The following TPO variants were observed in gnomAD, a reference collection of about 807,000 sequenced individuals.
TPO encodes the protein thyroid peroxidase, also known as thyroid microsomal antigen.
TPO carries 78 observed loss-of-function variants against 96.9 expected under a neutral mutation model. The ratio of observed to expected loss-of-function variants is 0.81; its 90% CI spans 0.67 to 0.97. TPO has a LOEUF of 0.97. Ranked by LOEUF, TPO falls within the 50% of genes least tolerant of loss-of-function variation. The pLI is 0.00. For synonymous variants in TPO, 547 were observed against 538.0 expected (o/e 1.02, Z -0.23); for missense variants, 1,252 against 1,274.8 (o/e 0.98, Z 0.27).
Position 1,516,953 on chromosome 2 carries a change from A to T in TPO, c.2589A>T (p.Ala863=). 1 of 1,613,986 alleles carries T rather than the reference A, an allele frequency of 6.2e-7. No individual in the cohort carries two copies. The highest frequency in any genetic ancestry group is 8.5e-7 in the Non-Finnish European group (1 of 1,180,032). Residue 863 remains alanine (A), a synonymous_variant, in exon 15 of 17, where the codon GCA becomes GCT. Transcript: ENST00000329066. The part of the protein sequence containing the change: ...SLAALLIGGF[A]GLTSTVICRW... ...CTGCTCTGCTGATCGGAGGCTTCGC[A>T]GGTCTCACCTCGACGGTGATTTGCA...
In TPO at chr2:1,465,348, G is replaced by A. The variant is rs149001882; in HGVS notation, c.819+9066G>A. On this transcript the variant is annotated intron_variant, in intron 7 of 16. Coordinates refer to ENST00000329066, the MANE Select transcript of TPO (RefSeq NM_001206744.2). The stretch of plus-strand genomic sequence containing the variant: ...CAGGTAATGTGATGCCTCCAGATTT[G>A]TTCTTTCTGCTTAGTCTTGCTTTGG... Among the ~76,000 whole-genome samples the A allele has an allele frequency of 5.0e-3, 758 of 152,216 alleles. 12 individuals carry two copies. The highest frequency in any genetic ancestry group is 0.018 in the African/African-American group (734 of 41,514).
upstream of TPO, among the ~76,000 whole-genome samples, chr2:1,412,415 G>A (rs1434562663): frequency 6.6e-6 from 1 of 152,104 alleles, no homozygotes; most frequent in East Asian, 1.9e-4. Context: ...TTCTCAGGGT[G>A]CGTGGGGGGA....
At chr2:1,447,840 T>C (rs146990381) in intron 5 of TPO, among the ~76,000 whole-genome samples, 81 of 152,280 alleles carry the variant, frequency 5.3e-4, no homozygotes, top group African/African-American at 1.8e-3. Flanking sequence ...GCCACATGTG[T>C]GTGGGCGAGG....
intron 7 of TPO, among the ~76,000 whole-genome samples, chr2:1,469,742 C>T (rs965008788): frequency 1.3e-5 from 2 of 152,170 alleles, no homozygotes; most frequent in Non-Finnish European, 1.5e-5. Context: ...CTTCAGGTTC[C>T]GCAGTGGGGG....
At chr2:1,480,646 A>G (rs1357381292) in intron 8 of TPO, among the ~76,000 whole-genome samples, 1 of 139,912 alleles carries the variant, frequency 7.1e-6, no homozygotes, top group Non-Finnish European at 1.6e-5. Flanking sequence ...TCAGCAAGAG[A>G]CAGGAAAGGT....
At chr2:1,477,655 G>T (rs1479939855) in intron 8 of TPO, 51 bp downstream of exon 8, 3 of 1,438,048 alleles carry the variant, frequency 2.1e-6, no homozygotes, top group Non-Finnish European at 9.1e-7. Context: ...AAAGCGGGGG[G>T]CGCCTCGTGT....
At chr2:1,525,221 C>A in intron 15 of TPO, among the ~76,000 whole-genome samples, 1 of 136,322 alleles carries the variant, frequency 7.3e-6, no homozygotes, top group Non-Finnish European at 1.6e-5. Flanking sequence ...TGCTCAAATC[C>A]CCTCACTGTG....
At chr2:1,499,575 C>T in intron 13 of TPO, among the ~76,000 whole-genome samples, 1 of 139,682 alleles carries the variant, frequency 7.2e-6, no homozygotes, top group African/African-American at 2.6e-5. Flanking sequence ...CCTGCGGCGT[C>T]TGGGGCCACC....
At chr2:1,477,641 G>A (rs1364335702) in intron 8 of TPO, 37 bp downstream of exon 8, 2 of 1,450,260 alleles carry the variant, frequency 1.4e-6, no homozygotes, top group Non-Finnish European at 1.8e-6. Context: ...GGGTGGCTGC[G>A]GGCAAAGCGG....
intron 15 of TPO, among the ~76,000 whole-genome samples, chr2:1,532,545 C>T (rs1168068395): frequency 1.6e-5 from 2 of 124,928 alleles, no homozygotes; most frequent in Middle Eastern, 4.8e-3. Flanking sequence ...ACCCCACTGT[C>T]AGCAACCTCC....
intron 5 of TPO, chr2:1,438,779 A>AAG: frequency 1.5e-6 from 1 of 667,974 alleles, no homozygotes. Flanking sequence ...TTAACTGGAG[A>AAG]TTTTTTTTTT....
At chr2:1,477,842 G>C in intron 8 of TPO, 2 of 985,414 alleles carry the variant, frequency 2.0e-6, no homozygotes, top group Non-Finnish European at 2.4e-6. Flanking sequence ...GGGTAACTCC[G>C]GAGCTGGCGG....
At chr2:1,523,402 A>ACCCCAAATCCCTCCACTGTGTTCAACCT (rs1267467746) in intron 15 of TPO, among the ~76,000 whole-genome samples, 2 of 65,886 alleles carry the variant, frequency 3.0e-5, no homozygotes, top group African/African-American at 1.2e-4. Context: ...GTGTGCAAAC[A>ACCCCAAATCCCTCCACTGTGTTCAACCT]CCCCAAATCC....
At chr2:1,471,376 T>C (rs1490279121) in intron 7 of TPO, among the ~76,000 whole-genome samples, 3 of 152,136 alleles carry the variant, frequency 2.0e-5, no homozygotes, top group Non-Finnish European at 4.4e-5. Context: ...TGAAAGCGAG[T>C]TGAGTTACGT....
intron 2 of TPO, among the ~76,000 whole-genome samples, chr2:1,421,901 C>G (rs1488130225): frequency 6.6e-6 from 1 of 152,220 alleles, no homozygotes. Flanking sequence ...AGCCAGGTCC[C>G]CTCTTCAGAT....
intron 10 of TPO, among the ~76,000 whole-genome samples, chr2:1,492,164 G>GT (rs11404899): frequency 0.47 from 70,974 of 151,704 alleles, 17,228 homozygotes; most frequent in African/African-American, 0.61. Flanking sequence ...TTTGTTTTTT[G>GT]TTTTTTTGAG....
chr2:1,438,393 C>T (rs996205913), intron 5 of TPO, among the ~76,000 whole-genome samples: 1 of 152,154 alleles, frequency 6.6e-6, no homozygotes, highest in Non-Finnish European at 1.5e-5. Flanking sequence ...CTCCGTGGCC[C>T]GAAGCACTTT....
intron 10 of TPO, among the ~76,000 whole-genome samples, chr2:1,493,209 T>TGGGGGGGGGGGGGGGGGGGGGGG (rs3036079): frequency 5.7e-5 from 1 of 17,494 alleles, no homozygotes; most frequent in Non-Finnish European, 1.4e-4. Flanking sequence ...TGTGAGTGGG[T>TGGGGGGGGGGGGGGGGGGGGGGG]GGGGGGGGGG....
chr2:1,477,780 G>C, intron 8 of TPO, 176 bp downstream of exon 8: 1 of 985,468 alleles, frequency 1.0e-6, no homozygotes, highest in Non-Finnish European at 1.2e-6. Context: ...CCTGCTGGGC[G>C]CCCTGCATGG....
Sources: gnomAD v4.1 joint callset for allele counts (sites outside exome capture counted in the v4.1 genomes callset) on GRCh38, gnomAD v4.1.1 for gene constraint, MANE v1.5 for transcripts, NCBI Gene and HGNC (gene_info 2026-07-23, HGNC 2026-07-21) for gene names.